KREMEN1: variants seen among roughly 807,000 people sequenced by gnomAD.
The protein encoded by KREMEN1 is kremen protein 1.
In KREMEN1, 30 loss-of-function variants were observed where a neutral mutation model predicts 46.5. The ratio of observed to expected loss-of-function variants is 0.65; its 90% CI spans 0.48 to 0.88. The LOEUF is 0.88. Among genes scored for constraint, KREMEN1 ranks in the 40% least tolerant of loss-of-function variants. The pLI is 0.00. For synonymous variants in KREMEN1, 214 were observed against 230.6 expected, an observed-to-expected ratio of 0.93 and a Z score of 0.65; for missense variants, 533 against 596.9, an observed-to-expected ratio of 0.89 and a Z score of 1.11.
intron 1 of KREMEN1, among the ~76,000 whole-genome samples, chr22:29,080,479 T>C (rs2037636437): frequency 2.0e-5 from 3 of 151,032 alleles, no homozygotes; most frequent in East Asian, 3.9e-4. Context: ...GCATGGCCAA[T>C]GCAGAGCTTC....
intron 3 of KREMEN1, among the ~76,000 whole-genome samples, chr22:29,114,486 C>CA (rs134685): frequency 0.16 from 13,886 of 87,982 alleles, 1,596 homozygotes; most frequent in East Asian, 0.47. Context: ...AACTCCGTGT[C>CA]AAAAAAAAAA....
In KREMEN1 at chr22:29,143,996, A is replaced by G. The variant is rs983586515; in HGVS notation, c.*1884A>G. 1 of 985,374 alleles carries G rather than the reference A, an allele frequency of 1.0e-6. No individual in the cohort carries two copies. The highest frequency in any genetic ancestry group is 1.7e-5 in the African/African-American group (1 of 57,242). 61.0% of individuals were successfully genotyped at this position (985,374 alleles called of 1,614,324 possible). The stretch of plus-strand genomic sequence containing the variant: ...GTAGTGGCTGCTGGTTGGGAGAGTA[A>G]GTGCCATCACTAATTTAAAAGTCCT... On this transcript the variant is annotated 3_prime_UTR_variant, in exon 9 of 9. Transcript: ENST00000400335.
intron 9 of KREMEN1, among the ~76,000 whole-genome samples, chr22:29,165,728 G>A (rs1234320975): frequency 6.6e-6 from 1 of 152,188 alleles, no homozygotes; most frequent in Non-Finnish European, 1.5e-5. Context: ...GGTATGCAGA[G>A]GCAATACAAG....
intron 9 of KREMEN1, among the ~76,000 whole-genome samples, chr22:29,155,827 C>T (rs1034562866): frequency 4.0e-5 from 6 of 150,532 alleles, no homozygotes; most frequent in East Asian, 2.0e-4. Flanking sequence ...GGTGTGGTGG[C>T]GCGTGCCTGT....
chr22:29,131,136 C>T (rs2038527052), intron 5 of KREMEN1, among the ~76,000 whole-genome samples: 2 of 152,180 alleles, frequency 1.3e-5, no homozygotes, highest in Non-Finnish European at 2.9e-5. Flanking sequence ...CAGAACACTT[C>T]ATAAGCATTG....
intron 5 of KREMEN1, among the ~76,000 whole-genome samples, chr22:29,126,460 G>A (rs1393274075): frequency 6.6e-6 from 1 of 152,154 alleles, no homozygotes; most frequent in Non-Finnish European, 1.5e-5. Flanking sequence ...CACCACTCCA[G>A]TCTCTGCCTT....
chr22:29,135,491 A>G (rs1219249797), intron 5 of KREMEN1, among the ~76,000 whole-genome samples: 1 of 152,150 alleles, frequency 6.6e-6, no homozygotes, highest in Non-Finnish European at 1.5e-5. Context: ...AAGTGTGAAG[A>G]GAAGGAAGTG....
rs73393032 is a variant in KREMEN1 at position 29,117,138 on chromosome 22, C to T, written c.353-4219C>T. 8.2e-3 allele frequency among the ~76,000 whole-genome samples: 1,241 copies of T among 152,160 alleles called. 16 individuals carry two copies. Among genetic ancestry groups the T allele is most frequent in the African/African-American group, 0.029 (1,185 of 41,514 alleles). ...GGTTAGATGGTGGAATACATTAAAA[C>T]GTGTGTGTGTCTGTGTGTGTGTGTG... On this transcript the variant is annotated intron_variant, in intron 3 of 8. Coordinates refer to ENST00000400335, the MANE Select transcript of KREMEN1 (RefSeq NM_001039570.3).
At chr22:29,131,657 TATATATACATGTATATATATGC>T (rs1200836633) in intron 5 of KREMEN1, among the ~76,000 whole-genome samples, 3 of 102,558 alleles carry the variant, frequency 2.9e-5, no homozygotes, top group Admixed American at 9.3e-5. Flanking sequence ...TATATATGTA[TATATATACATGTATATATATGC>T]ATATATACAT....
At chr22:29,105,485 A>ACACACG (rs1375886228) in intron 3 of KREMEN1, among the ~76,000 whole-genome samples, 1 of 145,632 alleles carries the variant, frequency 6.9e-6, no homozygotes, top group Non-Finnish European at 1.5e-5. Context: ...ACATACACAC[A>ACACACG]CACACACACA....
At chr22:29,085,823 T>C (rs1160764866) in intron 1 of KREMEN1, among the ~76,000 whole-genome samples, 1 of 152,018 alleles carries the variant, frequency 6.6e-6, no homozygotes, top group East Asian at 1.9e-4. Flanking sequence ...ATTAAAAAAT[T>C]AGCCAGGTGT....
Position 29,141,925 on chromosome 22 carries a change from ATATT to A in KREMEN1, c.1209-15_1209-12del, listed in dbSNP as rs769037027. ...GCGTTGTTCTAATCTATTGGAAAAAATATTTATCTGCTTGACAGATCCCATCGTG... is the reference window on the plus strand; with the variant it reads ...GCGTTGTTCTAATCTATTGGAAAAAATATCTGCTTGACAGATCCCATCGTG... On this transcript the variant is annotated splice_polypyrimidine_tract_variant and intron_variant, in intron 8 of 8. Coordinates refer to ENST00000400335, the MANE Select transcript of KREMEN1 (RefSeq NM_001039570.3). The A allele has an allele frequency of 1.3e-6, 2 of 1,554,078 alleles. No individual in the cohort carries two copies. The highest frequency in any genetic ancestry group is 1.7e-6 in the Non-Finnish European group (2 of 1,152,640).
At chr22:29,108,065 C>T (rs1250217715) in intron 3 of KREMEN1, among the ~76,000 whole-genome samples, 1 of 152,174 alleles carries the variant, frequency 6.6e-6, no homozygotes, top group Non-Finnish European at 1.5e-5. Flanking sequence ...ATGGGCAGAT[C>T]GCTTGAGCCC....
chr22:29,085,970 C>CAA (rs134633), intron 1 of KREMEN1, among the ~76,000 whole-genome samples: 20,519 of 140,768 alleles, frequency 0.15, 1,966 homozygotes, highest in East Asian at 0.49. Context: ...TACCCTGTCT[C>CAA]AAAAAAAAAA....
intron 1 of KREMEN1, among the ~76,000 whole-genome samples, chr22:29,079,883 G>A (rs2037627849): frequency 6.6e-6 from 1 of 152,200 alleles, no homozygotes; most frequent in African/African-American, 2.4e-5. Context: ...ATCACAGTAT[G>A]TAAATTACTT....
intron 1 of KREMEN1, among the ~76,000 whole-genome samples, chr22:29,080,188 G>T (rs1409383385): frequency 6.6e-6 from 1 of 152,212 alleles, no homozygotes; most frequent in African/African-American, 2.4e-5. Flanking sequence ...TTTGGCATCA[G>T]TTAAGGGCCT....
Position 29,142,025 on chromosome 22 carries a change from C to T in KREMEN1, c.1290C>T (p.Tyr430=). The change falls in exon 9 of 9, where the codon TAC becomes TAT. Residue 430 remains tyrosine, a synonymous_variant. Transcript: ENST00000400335. ...CGGGGGAAATCTGGAGCATTTTTTA[C>T]AAGCCTTCCACTTCAATTTCCATCT... ...GTSGEIWSIF[Y]KPSTSISIFK... The T allele has an allele frequency of 1.9e-6, 3 of 1,613,498 alleles. No individual in the cohort carries two copies. The highest frequency in any genetic ancestry group is 2.5e-6 in the Non-Finnish European group (3 of 1,179,716).
At chr22:29,097,522 A>T (rs2037899682) in intron 2 of KREMEN1, among the ~76,000 whole-genome samples, 1 of 152,252 alleles carries the variant, frequency 6.6e-6, no homozygotes, top group Non-Finnish European at 1.5e-5. Flanking sequence ...CAGCATTTTG[A>T]GGAAGGAATA....
chr22:29,128,755 T>C (rs965067224), intron 5 of KREMEN1, among the ~76,000 whole-genome samples: 7 of 152,210 alleles, frequency 4.6e-5, no homozygotes, highest in African/African-American at 1.7e-4. Flanking sequence ...GCAATCCTGT[T>C]GATAAGAAAA....
Sources: allele counts gnomAD v4.1 joint callset (sites outside exome capture counted in the v4.1 genomes callset), GRCh38; gene constraint gnomAD v4.1.1; transcripts MANE v1.5; gene names NCBI Gene and HGNC (gene_info 2026-07-23, HGNC 2026-07-21).